Variants in IKZF4 observed in about 807,000 individuals in gnomAD.
IKZF4 encodes the protein zinc finger protein Eos.
Under a neutral mutation model 47.7 loss-of-function variants are expected in IKZF4, and 11 were observed. The observed-to-expected ratio is 0.23, with a 90% CI of 0.15 to 0.38. IKZF4 has a LOEUF of 0.38. Ranked by LOEUF, IKZF4 falls within the 10% of genes least tolerant of loss-of-function variation. The pLI, the probability that IKZF4 is intolerant of heterozygous loss-of-function variation, is 1.00. For synonymous variants in IKZF4, 298 were observed against 299.4 expected, an observed-to-expected ratio of 1.00 and a Z score of 0.05; for missense variants, 557 against 784.9, an observed-to-expected ratio of 0.71 and a Z score of 3.47.
rs780047898 is a variant in IKZF4 at position 56,027,894 on chromosome 12, A to C, written c.662A>C (p.Asn221Thr). The change falls in exon 5 of 8, where the codon AAC becomes ACC. Residue 221 changes from asparagine to threonine, a missense_variant. Physicochemically the swap from Asn to Thr is moderately conservative, Grantham distance 65 (BLOSUM62 0). This residue lies in a region of IKZF4 where 72 missense variants were observed against 112.4 expected (regional missense o/e 0.64). Coordinates refer to ENST00000547167, the MANE Select transcript of IKZF4 (RefSeq NM_022465.4). ...AAGCCCTTTAAATGTCCCTTCTGCA[A>C]CTATGCCTGCCGCCGGCGTGATGCA... is the stretch of plus-strand genomic sequence containing the variant. ...GEKPFKCPFC[N>T]YACRRRDALT... 4 of 1,602,010 alleles carry C rather than the reference A, an allele frequency of 2.5e-6. No individual in the cohort carries two copies. The African/African-American group carries it at 4.0e-5, about 16-fold the overall frequency.
chr12:56,016,579 C>T (rs1475014375), upstream of IKZF4, among the ~76,000 whole-genome samples: 3 of 150,730 alleles, frequency 2.0e-5, no homozygotes, highest in Non-Finnish European at 3.0e-5. Flanking sequence ...ATGCCACTAC[C>T]GCCCAGCTAA....
At chr12:56,027,147 G>C in intron 4 of IKZF4, 106 bp downstream of exon 4, 1 of 1,164,550 alleles carries the variant, frequency 8.6e-7, no homozygotes, top group Non-Finnish European at 1.1e-6. Context: ...GTCATGCAGG[G>C]AGTGGGTAGC....
Position 56,026,789 on chromosome 12 carries a change from A to G in IKZF4, c.295A>G (p.Ile99Val). The G allele has an allele frequency of 1.3e-6, 2 of 1,572,114 alleles. No individual in the cohort carries two copies. The highest frequency in any genetic ancestry group is 1.7e-6 in the Non-Finnish European group (2 of 1,157,038). The change falls in exon 4 of 8, where the codon ATC becomes GTC. Residue 99 changes from isoleucine (I) to valine (V), a missense_variant. Ile to Val is a conservative substitution (Grantham distance 29). Transcript: ENST00000547167. ...ACCATCCCACCCCTCAGCCAACTCCATCAAGGTGGAGATGTACAGCGATGA... is the reference window on the plus strand; with the variant it reads ...ACCATCCCACCCCTCAGCCAACTCCGTCAAGGTGGAGATGTACAGCGATGA... ...SPSRSLSANSIKVEMYSDEES... is the reference protein window; with the variant it reads ...SPSRSLSANSVKVEMYSDEES...
At chr12:56,016,561 A>G (rs896018354), upstream of IKZF4, among the ~76,000 whole-genome samples, 2 of 150,566 alleles carry the variant, frequency 1.3e-5, no homozygotes, top group African/African-American at 4.9e-5. Flanking sequence ...ACCTGGGATT[A>G]CAGGCTCATG....
At chr12:56,020,030 G>A (rs1477462245), upstream of IKZF4, among the ~76,000 whole-genome samples, 1 of 152,234 alleles carries the variant, frequency 6.6e-6, no homozygotes, top group Non-Finnish European at 1.5e-5. Context: ...GCATAGCTGC[G>A]CTCATCACTG....
At chr12:56,009,663 C>T (rs1241342730) in intron 1 of IKZF4, among the ~76,000 whole-genome samples, 1 of 152,156 alleles carries the variant, frequency 6.6e-6, no homozygotes, top group Non-Finnish European at 1.5e-5. Context: ...TGAGAGCTGC[C>T]CTCATTTTGG....
rs1034674850 is a variant in IKZF4 at position 56,025,250 on chromosome 12, C to T, written c.286+92C>T. ...CTTCCACTGGCAACCATTTCCCCAT[C>T]GTCACCTCCTGCTGGTCTCCTGCTT... On this transcript the variant is annotated intron_variant, in intron 3 of 7. Transcript: ENST00000547167. 43 of 1,333,744 alleles carry T rather than the reference C, an allele frequency of 3.2e-5. No individual in the cohort carries two copies. The African/African-American group carries it at 4.7e-4, about 15-fold the overall frequency. The allele number at this position is 1,333,744 out of a possible 1,614,324, so 82.6% of individuals were successfully genotyped here. A position where few individuals can be genotyped will look rare whatever the true frequency, so the allele number is the denominator to read the frequency against.
chr12:56,008,520 A>G (rs1390070376), intron 1 of IKZF4, among the ~76,000 whole-genome samples: 1 of 151,776 alleles, frequency 6.6e-6, no homozygotes, highest in Non-Finnish European at 1.5e-5. Context: ...AATTTTCTAT[A>G]TTATTTCTGT....
In IKZF4 at chr12:56,027,047, T is replaced by C; in HGVS notation, c.547+6T>C. 6.9e-7 allele frequency: 1 copy of C among 1,455,516 alleles called. No individual in the cohort carries two copies. Among genetic ancestry groups the C allele is most frequent in the Non-Finnish European group, 9.2e-7 (1 of 1,083,998 alleles). The allele number at this position is 1,455,516 out of a possible 1,614,324, so 90.2% of individuals were successfully genotyped here. A position where few individuals can be genotyped will look rare whatever the true frequency, so the allele number is the denominator to read the frequency against. ...GCACAAGCGCAGTCACACTGGTAAG[T>C]AAGCCAGAGGGGCTCTGGGAGGAGC... On this transcript the variant is annotated splice_donor_region_variant and intron_variant, in intron 4 of 7. Transcript: ENST00000547167.
chr12:56,034,624 G>C lies in IKZF4; in HGVS notation c.1051G>C (p.Gly351Arg). ...LSDLPYDVNSGGYEKDVELVA... is the reference protein window; with the variant it reads ...LSDLPYDVNSRGYEKDVELVA... ...AGACCTCCCCTATGATGTGAACTCG[G>C]GTGGCTATGAAAAGGATGTGGAGTT... Residue 351 changes from glycine (G) to arginine (R), a missense_variant, in exon 8 of 8, where the codon GGT (glycine) becomes CGT (arginine). This residue lies in a region of IKZF4 where 280 missense variants were observed against 314.0 expected (regional missense o/e 0.89). Transcript: ENST00000547167. 6.2e-7 allele frequency: 1 copy of C among 1,614,004 alleles called. No individual in the cohort carries two copies. The highest frequency in any genetic ancestry group is 8.5e-7 in the Non-Finnish European group (1 of 1,179,868).
At chr12:56,023,548 A>G in intron 1 of IKZF4, 123 bp from the exon 2 acceptor site, 2 of 1,169,822 alleles carry the variant, frequency 1.7e-6, no homozygotes, top group South Asian at 1.6e-5. Flanking sequence ...TTTTCTATAG[A>G]TAGTGAACAT....
chr12:56,026,749 C>T (rs1001970127), intron 3 of IKZF4, 32 bp from the exon 4 acceptor site: 1 of 1,451,446 alleles, frequency 6.9e-7, no homozygotes, highest in African/African-American at 1.5e-5. Flanking sequence ...CCCTTTGCCT[C>T]TCTCTATTCT....
At position 56,021,319 on chromosome 12, in the gene IKZF4, C is replaced by T; in HGVS notation, c.-175C>T. On this transcript the variant is annotated 5_prime_UTR_variant, in exon 1 of 8. Transcript: ENST00000547167. The stretch of plus-strand genomic sequence containing the variant: ...TCACACACACACACACACACACACT[C>T]AACACACATACACCCTGGGCTGAGC... 2 of 1,527,698 alleles carry T rather than the reference C, an allele frequency of 1.3e-6. No homozygotes were observed. The allele number at this position is 1,527,698 out of a possible 1,614,324, so 94.6% of individuals were successfully genotyped here.
In IKZF4 at chr12:56,021,203, T is replaced by C. The variant is rs147106557; in HGVS notation, c.-291T>C. 242 of 1,328,964 alleles carry C rather than the reference T, an allele frequency of 1.8e-4. No homozygotes were observed. Among genetic ancestry groups the C allele is most frequent in the Middle Eastern group, 3.0e-4 (1 of 3,338 alleles). 82.3% of individuals were successfully genotyped at this position (1,328,964 alleles called of 1,614,324 possible). ...CTGTAGCCTAGCATCTCCCCCACTATATACACATATACATTCTCTCCAGCC... is the reference window on the plus strand; with the variant it reads ...CTGTAGCCTAGCATCTCCCCCACTACATACACATATACATTCTCTCCAGCC... On this transcript the variant is annotated 5_prime_UTR_variant, in exon 1 of 8. Coordinates refer to ENST00000547167, the MANE Select transcript of IKZF4 (RefSeq NM_022465.4).
intron 2 of IKZF4, among the ~76,000 whole-genome samples, chr12:56,024,474 T>C (rs1415195167): frequency 6.6e-6 from 1 of 152,224 alleles, no homozygotes; most frequent in Non-Finnish European, 1.5e-5. Context: ...AGTTGCCTCA[T>C]CTGAAAAAAT....
intron 5 of IKZF4, among the ~76,000 whole-genome samples, chr12:56,029,341 T>G (rs1894551061): frequency 6.6e-6 from 1 of 152,190 alleles, no homozygotes; most frequent in Non-Finnish European, 1.5e-5. Context: ...TTTAGGCATT[T>G]TACTAAGCTT....
chr12:56,021,213 T>A lies in IKZF4; in HGVS notation c.-281T>A. The A allele has an allele frequency of 1.4e-6, 2 of 1,388,662 alleles. No homozygotes were observed. Among genetic ancestry groups the A allele is most frequent in the South Asian group, 2.8e-5 (2 of 70,206 alleles). The allele number at this position is 1,388,662 out of a possible 1,614,324, so 86.0% of individuals were successfully genotyped here. ...GCATCTCCCCCACTATATACACATATACATTCTCTCCAGCCCCCTCCCCAA... is the reference window on the plus strand; with the variant it reads ...GCATCTCCCCCACTATATACACATAAACATTCTCTCCAGCCCCCTCCCCAA... On this transcript the variant is annotated 5_prime_UTR_variant, in exon 1 of 8. Coordinates refer to ENST00000547167, the MANE Select transcript of IKZF4 (RefSeq NM_022465.4).
At chr12:56,018,956 G>A (rs1161731210), upstream of IKZF4, among the ~76,000 whole-genome samples, 4 of 152,046 alleles carry the variant, frequency 2.6e-5, no homozygotes, top group East Asian at 1.9e-4. Context: ...CGTGGCTCAC[G>A]CCTGTAATCC....
At chr12:56,029,690 G>T (rs541819326) in intron 5 of IKZF4, 1 of 152,186 alleles carries the variant, frequency 6.6e-6, no homozygotes, top group Non-Finnish European at 1.5e-5. Context: ...CATTTCACTT[G>T]TGTTTCTCCA....
Sources: gnomAD v4.1 joint callset for allele counts (sites outside exome capture counted in the v4.1 genomes callset) on GRCh38, gnomAD v4.1.1 for gene constraint, gnomAD v4.1.1 regional missense constraint, MANE v1.5 for transcripts, NCBI Gene and HGNC (gene_info 2026-07-23, HGNC 2026-07-21) for gene names.